The following NEMP2 variants were observed in gnomAD, a reference collection of about 807,000 sequenced individuals.
NEMP2 encodes the protein nuclear envelope integral membrane protein 2, also known as UPF0571 transmembrane protein.
Under a neutral mutation model 54.2 loss-of-function variants are expected in NEMP2, and 53 were observed. The observed-to-expected ratio is 0.98, with a 90% CI of 0.78 to 1.23. NEMP2 has a LOEUF of 1.23. Among genes scored for constraint, NEMP2 ranks in the 50% most tolerant of loss-of-function variants. NEMP2 has a pLI of 0.00. For missense variants in NEMP2, 455 were observed against 511.3 expected, an observed-to-expected ratio of 0.89 and a Z score of 1.06; for synonymous variants, 197 against 190.3, an observed-to-expected ratio of 1.04 and a Z score of -0.29.
rs1044365942 is a variant in NEMP2, at chr2:190,514,257, G to A, written c.953+196C>T. 2.6e-5 allele frequency among the ~76,000 whole-genome samples: 4 copies of A among 152,144 alleles called. No individual in the cohort carries two copies. The highest frequency in any genetic ancestry group is 4.8e-5 in the African/African-American group (2 of 41,428). On this transcript the variant is annotated intron_variant, in intron 7 of 8. Coordinates refer to ENST00000409150, the MANE Select transcript of NEMP2 (RefSeq NM_001142645.2). The surrounding 1 kb of genome is among the most constrained non-coding windows in gnomAD (Gnocchi z 5.7). ...GGTAATTGGTGGTACAGCTCTCAACGATTAATGAAGACTAGCCATGAAGAT... is the reference window on the plus strand; with the variant it reads ...GGTAATTGGTGGTACAGCTCTCAACAATTAATGAAGACTAGCCATGAAGAT...
the NEMP2 span, among the ~76,000 whole-genome samples, chr2:190,632,209 TCA>T: frequency 6.6e-6 from 1 of 152,242 alleles, no homozygotes; most frequent in Non-Finnish European, 1.5e-5. The surrounding 1 kb of genome is among the most constrained non-coding windows in gnomAD (Gnocchi z 4.8). Flanking sequence ...CCTTGCAGCC[TCA>T]CAGGGCTCTG....
chr2:190,477,706 G>T, the NEMP2 span, among the ~76,000 whole-genome samples: 1 of 152,206 alleles, frequency 6.6e-6, no homozygotes. Flanking sequence ...CTCACCAACT[G>T]TTCTGGAAGC....
At chr2:190,608,004 T>A in the NEMP2 span, 1 of 152,230 alleles carries the variant, frequency 6.6e-6, no homozygotes, top group South Asian at 2.1e-4. This position sits in a 1 kb window ranked among gnomAD's most constrained non-coding sequence, Gnocchi z 4.9. Flanking sequence ...CCAAAAATAT[T>A]AAATAGAAAA....
chr2:190,514,558 A>G lies in NEMP2; in HGVS notation c.848T>C (p.Val283Ala). ...WMLRLLSLVL[V>A]YAGVAVPQFA... ...CTGAGGCACGGCCACACCAGCATAG[A>G]CCAGAACCAGGGAGAGGAGTCGCAG... Residue 283 changes from valine to alanine, a missense_variant, in exon 7 of 9, where the codon GTC (valine) becomes GCC (alanine). This residue lies in a region of NEMP2 where 294 missense variants were observed against 333.6 expected (regional missense o/e 0.88). Coordinates refer to ENST00000409150, the MANE Select transcript of NEMP2 (RefSeq NM_001142645.2). This position sits in a 1 kb window ranked among gnomAD's most constrained non-coding sequence, Gnocchi z 5.7. 1 of 1,551,764 alleles carries G rather than the reference A, an allele frequency of 6.4e-7. No individual in the cohort carries two copies. The highest frequency in any genetic ancestry group is 8.7e-7 in the Non-Finnish European group (1 of 1,146,988).
the NEMP2 span, chr2:190,629,932 C>T: frequency 1.3e-5 from 2 of 152,196 alleles, no homozygotes; most frequent in Non-Finnish European, 2.9e-5. Flanking sequence ...CATGGCTTCG[C>T]CAGTACAATC....
the NEMP2 span, among the ~76,000 whole-genome samples, chr2:190,492,722 TAC>T: frequency 6.6e-6 from 1 of 151,842 alleles, no homozygotes; most frequent in Non-Finnish European, 1.5e-5. This position sits in a 1 kb window ranked among gnomAD's most constrained non-coding sequence, Gnocchi z 5.2. Flanking sequence ...AAAGGAAAGA[TAC>T]AGTCTTTTTC....
At chr2:190,467,932 G>A in the NEMP2 span, among the ~76,000 whole-genome samples, 3 of 152,324 alleles carry the variant, frequency 2.0e-5, no homozygotes, top group South Asian at 2.1e-4. The surrounding 1 kb of genome is among the most constrained non-coding windows in gnomAD (Gnocchi z 5.5). Flanking sequence ...CATGTAGCTC[G>A]TGAAGCCTAA....
At chr2:190,454,842 C>T in the NEMP2 span, among the ~76,000 whole-genome samples, 4 of 152,010 alleles carry the variant, frequency 2.6e-5, no homozygotes, top group East Asian at 3.9e-4. The surrounding 1 kb of genome is among the most constrained non-coding windows in gnomAD (Gnocchi z 4.6). Flanking sequence ...GAATAGGGAC[C>T]TATGGCCTAA....
In NEMP2 at chr2:190,509,767, C is replaced by A. The variant is rs1001863721; in HGVS notation, c.1131-455G>T. Among the ~76,000 whole-genome samples the A allele has an allele frequency of 2.6e-5, 4 of 152,212 alleles. No homozygotes were observed. The highest frequency in any genetic ancestry group is 5.9e-5 in the Non-Finnish European group (4 of 68,038). ...TTAAAAATGATTTTCCAGCTGGGTG[C>A]GGTGGCTCATGCCTGTAATCCCAGC... On this transcript the variant is annotated intron_variant, in intron 8 of 8. Transcript: ENST00000409150. This position sits in a 1 kb window ranked among gnomAD's most constrained non-coding sequence, Gnocchi z 6.1.
chr2:190,612,152 C>CTTT, the NEMP2 span, among the ~76,000 whole-genome samples: 23 of 115,782 alleles, frequency 2.0e-4, no homozygotes, highest in African/African-American at 2.7e-4. Flanking sequence ...AAACATCCCT[C>CTTT]TTTTTTTTTT....
At chr2:190,476,430 G>A in the NEMP2 span, among the ~76,000 whole-genome samples, 38 of 152,206 alleles carry the variant, frequency 2.5e-4, no homozygotes, top group Admixed American at 2.5e-3. Context: ...AGACATTTAT[G>A]CAGCCAACAG....
the NEMP2 span, among the ~76,000 whole-genome samples, chr2:190,554,493 G>A: frequency 5.3e-4 from 80 of 152,316 alleles, 1 homozygote; most frequent in South Asian, 0.016. The surrounding 1 kb of genome is among the most constrained non-coding windows in gnomAD (Gnocchi z 5.7). Flanking sequence ...CCATTGCTGA[G>A]GCTTGAGTAG....
rs1324772240 is a variant in NEMP2 at position 190,508,773 on chromosome 2, T to G, written c.*416A>C. 1.1e-5 allele frequency: 2 copies of G among 174,800 alleles called. No homozygotes were observed. Among genetic ancestry groups the G allele is most frequent in the Non-Finnish European group, 2.4e-5 (2 of 82,180 alleles). 10.8% of individuals were successfully genotyped at this position (174,800 alleles called of 1,614,324 possible). ...ACTGGTCCAGCATGTCTCAGGTCTC[T>G]TTAAGGACTTATACTGACGAACTAT... On this transcript the variant is annotated 3_prime_UTR_variant, in exon 9 of 9. Transcript: ENST00000409150. This position sits in a 1 kb window ranked among gnomAD's most constrained non-coding sequence, Gnocchi z 4.3.
the NEMP2 span, among the ~76,000 whole-genome samples, chr2:190,549,212 G>C: frequency 6.6e-6 from 1 of 152,112 alleles, no homozygotes; most frequent in African/African-American, 2.4e-5. Context: ...CGCAGACTTG[G>C]GTTTTATCCC....
the NEMP2 span, among the ~76,000 whole-genome samples, chr2:190,468,671 C>T: frequency 2.0e-5 from 3 of 147,368 alleles, no homozygotes; most frequent in Admixed American, 6.9e-5. Flanking sequence ...GTTGCCCAGG[C>T]TGGTCTTGAA....
Position 190,507,879 on chromosome 2 carries a change from T to A in NEMP2, c.*1310A>T, listed in dbSNP as rs1690231678. ...AACCTTTGTCCTGATAAAAAGATTA[T>A]TTTTATGATCCCATCACAGGAAAAA... is the stretch of plus-strand genomic sequence containing the variant. On this transcript the variant is annotated 3_prime_UTR_variant, in exon 9 of 9. Transcript: ENST00000409150. The surrounding 1 kb of genome is among the most constrained non-coding windows in gnomAD (Gnocchi z 4.4). 2 of 152,214 alleles carry A rather than the reference T, an allele frequency of 1.3e-5. No homozygotes were observed. The highest frequency in any genetic ancestry group is 4.8e-5 in the African/African-American group (2 of 41,448). The allele number at this position is 152,214 out of a possible 1,614,324, so 9.4% of individuals were successfully genotyped here.
At chr2:190,486,416 T>C in the NEMP2 span, among the ~76,000 whole-genome samples, 1 of 152,262 alleles carries the variant, frequency 6.6e-6, no homozygotes, top group Non-Finnish European at 1.5e-5. Context: ...CTATCTCCTC[T>C]CTGGCATTCT....
the NEMP2 span, among the ~76,000 whole-genome samples, chr2:190,572,845 A>G: frequency 1.2e-4 from 12 of 101,044 alleles, no homozygotes; most frequent in African/African-American, 4.5e-4. Context: ...ATATATATAT[A>G]TATATATATA....
At position 190,512,286 on chromosome 2, in the gene NEMP2, G is replaced by A. The variant is rs1690394569; in HGVS notation, c.954-1749C>T. The stretch of plus-strand genomic sequence containing the variant: ...TAATATCTCCCTCATCTACTTCATA[G>A]GTCACTGTACAGGTTAAATGAGATA... On this transcript the variant is annotated intron_variant, in intron 7 of 8. Coordinates refer to ENST00000409150, the MANE Select transcript of NEMP2 (RefSeq NM_001142645.2). The surrounding 1 kb of genome is among the most constrained non-coding windows in gnomAD (Gnocchi z 4.5). Among the ~76,000 whole-genome samples, 2 of 152,148 alleles carry A rather than the reference G, an allele frequency of 1.3e-5. No individual in the cohort carries two copies. Among genetic ancestry groups the A allele is most frequent in the Non-Finnish European group, 1.5e-5 (1 of 68,026 alleles).
Sources: gnomAD v4.1 joint callset for allele counts (sites outside exome capture counted in the v4.1 genomes callset) on GRCh38, gnomAD v4.1.1 for gene constraint, gnomAD v4.1.1 regional missense constraint, Gnocchi (gnomAD v3.1) non-coding constraint, MANE v1.5 for transcripts, NCBI Gene and HGNC (gene_info 2026-07-23, HGNC 2026-07-21) for gene names.